NPAT: variants seen among roughly 807,000 people sequenced by gnomAD.
The protein encoded by NPAT is nuclear protein, coactivator of histone transcription, also known as protein NPAT.
Under a neutral mutation model 130.7 loss-of-function variants are expected in NPAT, and 52 were observed. The observed-to-expected ratio is 0.40, with a 90% CI of 0.32 to 0.50. The LOEUF is 0.50. NPAT is among the 20% of genes least tolerant of loss of function. The pLI is 0.68. For synonymous variants in NPAT, 580 were observed against 584.8 expected (o/e 0.99, Z 0.12); for missense variants, 1,687 against 1,662.6 (o/e 1.01, Z -0.26).
At chr11:108,199,831 C>A (rs1185127011) in intron 1 of NPAT, among the ~76,000 whole-genome samples, 2 of 152,198 alleles carry the variant, frequency 1.3e-5, no homozygotes, top group African/African-American at 4.8e-5. Context: ...GGACTGGCCC[C>A]AATCCCCAAC....
intron 1 of NPAT, among the ~76,000 whole-genome samples, chr11:108,208,183 T>C (rs1451595192): frequency 6.6e-6 from 1 of 152,188 alleles, no homozygotes; most frequent in East Asian, 1.9e-4. Context: ...GTCATGTTGG[T>C]ATACAAACAG....
chr11:108,165,472 A>T (rs12801154), intron 15 of NPAT, among the ~76,000 whole-genome samples: 62,647 of 129,578 alleles, frequency 0.48, 15,494 homozygotes, highest in East Asian at 0.57. Context: ...ATATATATAT[A>T]TTTTTTTTTT....
rs1228723812 is a variant in NPAT at position 108,161,545 on chromosome 11, G to C, written c.3541C>G (p.Pro1181Ala). ...LCSDVERQKN[P>A]ENSKLSIGQQ... ...CCAATAGATAGTTTTGAATTTTCTG[G>C]ATTTTTCTGTCTTTCTACATCGCTG... The change falls in exon 17 of 18, where the codon CCA (proline) becomes GCA (alanine). Residue 1181 changes from proline (P) to alanine (A), a missense_variant. By Grantham distance (27) the Pro-to-Ala change is conservative (BLOSUM62 -1). Coordinates refer to ENST00000278612, the MANE Select transcript of NPAT (RefSeq NM_002519.3). The C allele has an allele frequency of 2.5e-6, 4 of 1,614,018 alleles. No homozygotes were observed. The Admixed American group carries it at 6.7e-5, about 27-fold the overall frequency.
At position 108,173,332 on chromosome 11, in the gene NPAT, C is replaced by T; in HGVS notation, c.1652G>A (p.Cys551Tyr). 1.2e-6 allele frequency: 2 copies of T among 1,612,882 alleles called. No homozygotes were observed. Among genetic ancestry groups the T allele is most frequent in the Non-Finnish European group, 1.7e-6 (2 of 1,179,284 alleles). Residue 551 changes from cysteine (C) to tyrosine (Y), a missense_variant, in exon 13 of 18, where the codon TGT becomes TAT. Physicochemically the swap from Cys to Tyr is radical, Grantham distance 194 (BLOSUM62 -2). This residue lies in a region of NPAT where 1,379 missense variants were observed against 1,346.6 expected (regional missense o/e 1.02). Transcript: ENST00000278612. ...TGKPSKKSQFCENSNDTVKLK... is the reference protein window; with the variant it reads ...TGKPSKKSQFYENSNDTVKLK... ...TTTTACTGTATCATTAGAATTTTCA[C>T]AAAATTGACTTTTTTTAGATGGCTT...
At chr11:108,181,999 A>G (rs2078062701) in intron 10 of NPAT, among the ~76,000 whole-genome samples, 1 of 152,148 alleles carries the variant, frequency 6.6e-6, no homozygotes, top group Non-Finnish European at 1.5e-5. Context: ...CCTGTGTCTC[A>G]GTTTGTCCAG....
intron 4 of NPAT, 98 bp downstream of exon 4, chr11:108,192,020 G>GAGTGTTATATA (rs2078174730): frequency 3.6e-6 from 3 of 841,852 alleles, no homozygotes; most frequent in Non-Finnish European, 4.2e-6. Context: ...AAAACTGGAT[G>GAGTGTTATATA]AGTGTTATAT....
chr11:108,215,551 C>A (rs1404868060), intron 1 of NPAT, among the ~76,000 whole-genome samples: 1 of 152,206 alleles, frequency 6.6e-6, no homozygotes, highest in Non-Finnish European at 1.5e-5. Context: ...TTATGTCTAA[C>A]GTCTCTTCCA....
intron 15 of NPAT, among the ~76,000 whole-genome samples, chr11:108,166,110 C>T (rs1316985431): frequency 1.3e-5 from 2 of 151,574 alleles, no homozygotes; most frequent in African/African-American, 4.8e-5. Flanking sequence ...AAAGAAATCC[C>T]AGGCCAGGCG....
intron 1 of NPAT, among the ~76,000 whole-genome samples, chr11:108,206,028 G>C (rs1326064102): frequency 6.6e-6 from 1 of 152,210 alleles, no homozygotes; most frequent in Non-Finnish European, 1.5e-5. Context: ...CTGGGTGACA[G>C]AGCGAGACCC....
intron 1 of NPAT, among the ~76,000 whole-genome samples, chr11:108,217,850 G>C (rs1429439674): frequency 6.6e-6 from 1 of 152,030 alleles, no homozygotes; most frequent in Non-Finnish European, 1.5e-5. Context: ...AAAATTAGCC[G>C]GGCGTGGTGG....
Position 108,173,606 on chromosome 11 carries a change from T to C in NPAT, c.1378A>G (p.Asn460Asp), listed in dbSNP as rs1455515938. 3 of 1,614,216 alleles carry C rather than the reference T, an allele frequency of 1.9e-6. No homozygotes were observed. The highest frequency in any genetic ancestry group is 3.3e-5 in the Admixed American group (2 of 60,024). ...GCACAATGTGGATTACATTCAGCAT[T>C]AGAATTCCCTCTTTGGTTAAAGTCA... ...LNDFNQRGNS[N>D]AECNPHCAEL... The change falls in exon 13 of 18, where the codon AAT (asparagine) becomes GAT (aspartate). Residue 460 changes from asparagine (N) to aspartate (D), a missense_variant. Physicochemically the swap from Asn to Asp is conservative, Grantham distance 23 (BLOSUM62 1). Transcript: ENST00000278612.
At chr11:108,209,152 C>T (rs1294725707) in intron 1 of NPAT, among the ~76,000 whole-genome samples, 4 of 152,154 alleles carry the variant, frequency 2.6e-5, no homozygotes, top group South Asian at 2.1e-4. Flanking sequence ...TGGTGGCAGG[C>T]GCCTGTAATC....
At chr11:108,198,201 A>C (rs2078242173) in intron 1 of NPAT, among the ~76,000 whole-genome samples, 1 of 152,214 alleles carries the variant, frequency 6.6e-6, no homozygotes, top group South Asian at 2.1e-4. Context: ...AGACAACAAC[A>C]AACATGGAAG....
intron 8 of NPAT, 110 bp downstream of exon 8, chr11:108,186,372 T>TA: frequency 1.2e-6 from 1 of 802,498 alleles, no homozygotes; most frequent in Non-Finnish European, 2.1e-6. Context: ...TCTATAAACT[T>TA]ACTCCTGTTT....
intron 6 of NPAT, among the ~76,000 whole-genome samples, chr11:108,188,543 T>C (rs1436513198): frequency 1.3e-5 from 2 of 152,186 alleles, no homozygotes; most frequent in African/African-American, 4.8e-5. Flanking sequence ...GATAATTGGT[T>C]TGTGAACTGA....
rs771034040 is a variant in NPAT, at chr11:108,176,391, A to G, written c.1004-17T>C. The G allele has an allele frequency of 3.2e-5, 48 of 1,492,128 alleles. No homozygotes were observed. The highest frequency in any genetic ancestry group is 3.9e-5 in the Non-Finnish European group (42 of 1,071,518). 92.4% of individuals were successfully genotyped at this position (1,492,128 alleles called of 1,614,324 possible). A position where few individuals can be genotyped will look rare whatever the true frequency, so the allele number is the denominator to read the frequency against. On this transcript the variant is annotated splice_polypyrimidine_tract_variant and intron_variant, in intron 11 of 17. Coordinates refer to ENST00000278612, the MANE Select transcript of NPAT (RefSeq NM_002519.3). The stretch of plus-strand genomic sequence containing the variant: ...TTGTTTTGCCTGTTAAAAAGGGAAT[A>G]TGGAAATAATTAAATGACCAAAACA...
intron 1 of NPAT, among the ~76,000 whole-genome samples, chr11:108,218,307 A>G (rs1262177162): frequency 1.3e-5 from 2 of 152,212 alleles, no homozygotes; most frequent in African/African-American, 2.4e-5. Context: ...AGAAGAAAGG[A>G]TAAGATCCTA....
intron 1 of NPAT, among the ~76,000 whole-genome samples, chr11:108,222,120 T>C (rs535369818): frequency 6.6e-6 from 1 of 152,182 alleles, no homozygotes; most frequent in East Asian, 1.9e-4. Context: ...CCTATTTTGG[T>C]CCCAACACTG....
At chr11:108,220,721 G>C (rs1354429824) in intron 1 of NPAT, among the ~76,000 whole-genome samples, 2 of 152,160 alleles carry the variant, frequency 1.3e-5, no homozygotes, top group African/African-American at 4.8e-5. Flanking sequence ...TTAGGCATGG[G>C]GAGGCTTTTT....
Sources: allele counts gnomAD v4.1 joint callset (sites outside exome capture counted in the v4.1 genomes callset), GRCh38; gene constraint gnomAD v4.1.1; regional missense constraint gnomAD v4.1.1; transcripts MANE v1.5; gene names NCBI Gene and HGNC (gene_info 2026-07-23, HGNC 2026-07-21).